Variants in EPB41L4B observed in about 807,000 individuals in gnomAD.
The protein encoded by EPB41L4B is band 4.1-like protein 4B.
EPB41L4B carries 30 observed loss-of-function variants against 112.5 expected under a neutral mutation model. The observed-to-expected ratio is 0.27, with a 90% confidence interval of 0.20 to 0.36. EPB41L4B has a LOEUF of 0.36. Among genes scored for constraint, EPB41L4B ranks in the 10% least tolerant of loss-of-function variants. The pLI is 1.00. For missense variants in EPB41L4B, 1,024 were observed against 1,133.3 expected, an observed-to-expected ratio of 0.90 and a Z score of 1.38; for synonymous variants, 408 against 439.7, an observed-to-expected ratio of 0.93 and a Z score of 0.90.
intron 22 of EPB41L4B, among the ~76,000 whole-genome samples, chr9:109,186,117 T>C (rs1161956843): frequency 2.6e-5 from 4 of 152,010 alleles, no homozygotes; most frequent in Non-Finnish European, 4.4e-5. Context: ...GGGCACACAC[T>C]GTGGTATGTC....
chr9:109,283,339 A>C (rs1425164419), intron 1 of EPB41L4B, among the ~76,000 whole-genome samples: 1 of 152,252 alleles, frequency 6.6e-6, no homozygotes, highest in Non-Finnish European at 1.5e-5. Context: ...ACATAGCAGC[A>C]GTAACACAAA....
chr9:109,316,523 G>A (rs1462725094), intron 1 of EPB41L4B, among the ~76,000 whole-genome samples: 2 of 152,194 alleles, frequency 1.3e-5, no homozygotes, highest in Non-Finnish European at 2.9e-5. Context: ...GGCCGAGGGA[G>A]GGAGTCCTGC....
At chr9:109,313,222 G>C (rs187246594) in intron 1 of EPB41L4B, among the ~76,000 whole-genome samples, 2 of 152,190 alleles carry the variant, frequency 1.3e-5, no homozygotes, top group Non-Finnish European at 2.9e-5. Context: ...TTCTCTCTCC[G>C]ATACCCCTCC....
At chr9:109,260,074 C>A (rs1835142388) in intron 6 of EPB41L4B, among the ~76,000 whole-genome samples, 1 of 151,998 alleles carries the variant, frequency 6.6e-6, no homozygotes, top group Admixed American at 6.6e-5. Context: ...CAGTGTTTTT[C>A]TTTTCTTTTC....
intron 11 of EPB41L4B, among the ~76,000 whole-genome samples, chr9:109,254,059 ACTC>A (rs749687914): frequency 3.2e-4 from 49 of 152,024 alleles, no homozygotes; most frequent in Non-Finnish European, 5.3e-4. Context: ...CGTCTGATGT[ACTC>A]CTCAACTGCT....
chr9:109,197,602 G>A (rs1328500790), intron 20 of EPB41L4B, among the ~76,000 whole-genome samples: 1 of 151,960 alleles, frequency 6.6e-6, no homozygotes, highest in Non-Finnish European at 1.5e-5. Flanking sequence ...AATACTTTGG[G>A]GCAGCTTAAG....
intron 1 of EPB41L4B, among the ~76,000 whole-genome samples, chr9:109,307,760 G>A (rs1837265074): frequency 6.6e-6 from 1 of 152,126 alleles, no homozygotes; most frequent in Non-Finnish European, 1.5e-5. Context: ...TCCATCACAT[G>A]GGCAGGAGAG....
chr9:109,188,428 G>A (rs559280393), intron 22 of EPB41L4B, among the ~76,000 whole-genome samples: 2 of 152,184 alleles, frequency 1.3e-5, no homozygotes, highest in African/African-American at 4.8e-5. Context: ...CAGGTAGAGA[G>A]TCACACATCC....
intron 6 of EPB41L4B, among the ~76,000 whole-genome samples, chr9:109,259,955 CTG>C (rs1835136642): frequency 6.6e-6 from 1 of 152,112 alleles, no homozygotes; most frequent in Non-Finnish European, 1.5e-5. Context: ...GCTAGCTCAG[CTG>C]TGGGTGAGGT....
chr9:109,251,199 G>A (rs1588172278), intron 13 of EPB41L4B, among the ~76,000 whole-genome samples: 3 of 152,216 alleles, frequency 2.0e-5, no homozygotes, highest in South Asian at 4.1e-4. Context: ...AGTGTGCTGC[G>A]CACAGGCCTC....
chr9:109,266,367 C>A (rs1432999820), intron 4 of EPB41L4B, among the ~76,000 whole-genome samples: 1 of 151,760 alleles, frequency 6.6e-6, no homozygotes, highest in Non-Finnish European at 1.5e-5. Flanking sequence ...CAGAGCCAGA[C>A]CTTGTCTCCA....
chr9:109,185,361 GC>G, intron 23 of EPB41L4B, 127 bp downstream of exon 23: 1 of 734,692 alleles, frequency 1.4e-6, no homozygotes, highest in Non-Finnish European at 2.3e-6. Flanking sequence ...TGGAGTGAGG[GC>G]ACCTGTCGAT....
intron 15 of EPB41L4B, chr9:109,241,441 C>T: frequency 7.6e-7 from 1 of 1,307,664 alleles, no homozygotes. Flanking sequence ...AATATGATTC[C>T]TGAGCCTTTA....
chr9:109,243,586 G>A lies in EPB41L4B; in HGVS notation c.1409+32C>T, dbSNP rs761202126. On this transcript the variant is annotated intron_variant, in intron 15 of 25. Coordinates refer to ENST00000374566, the MANE Select transcript of EPB41L4B (RefSeq NM_019114.5). ...CTTTTCTAGAGAAAGGAAAGCTTTCGAAGGTGCAGCTCTGGAAGCACCAGC... is the reference window on the plus strand; with the variant it reads ...CTTTTCTAGAGAAAGGAAAGCTTTCAAAGGTGCAGCTCTGGAAGCACCAGC... 3.2e-5 allele frequency: 52 copies of A among 1,608,586 alleles called. No homozygotes were observed. The East Asian group carries it at 4.7e-4, about 14-fold the overall frequency.
intron 1 of EPB41L4B, among the ~76,000 whole-genome samples, chr9:109,309,468 G>C (rs568342170): frequency 1.3e-5 from 2 of 152,294 alleles, no homozygotes; most frequent in South Asian, 4.1e-4. Context: ...GACCTCAGAA[G>C]CGGAACGGGA....
chr9:109,271,707 T>C (rs1198565752), intron 2 of EPB41L4B, among the ~76,000 whole-genome samples: 1 of 152,148 alleles, frequency 6.6e-6, no homozygotes, highest in African/African-American at 2.4e-5. Context: ...ATGCCGCCTG[T>C]GGGTAAACGC....
intron 24 of EPB41L4B, 91 bp downstream of exon 24, chr9:109,182,638 C>T (rs759837270): frequency 1.7e-5 from 15 of 898,496 alleles, no homozygotes; most frequent in African/African-American, 5.0e-5. Flanking sequence ...TCAAAAGAAG[C>T]GGTTGACCTT....
At chr9:109,218,999 A>G (rs1023793174) in intron 15 of EPB41L4B, among the ~76,000 whole-genome samples, 3 of 152,242 alleles carry the variant, frequency 2.0e-5, no homozygotes, top group African/African-American at 7.2e-5. Flanking sequence ...GCAGAAGTGG[A>G]AGCAATCAGT....
rs777693948 is a variant in EPB41L4B, at chr9:109,251,496, A to G, written c.1295T>C (p.Ile432Thr). 1 of 1,614,160 alleles carries G rather than the reference A, an allele frequency of 6.2e-7. No individual in the cohort carries two copies. The highest frequency in any genetic ancestry group is 1.1e-5 in the South Asian group (1 of 91,080). Residue 432 changes from isoleucine (I) to threonine (T), a missense_variant, in exon 13 of 26, where the codon ATA (isoleucine) becomes ACA (threonine). Transcript: ENST00000374566. ...HSTFKASNPVIAAQLCSKTNP... is the reference protein window; with the variant it reads ...HSTFKASNPVTAAQLCSKTNP... ...GGACACTCACCAGAGCTGGGCTGCT[A>G]TCACTGGGTTGCTTGCTATAAAGGA... is the stretch of plus-strand genomic sequence containing the variant.
Sources: gnomAD v4.1 joint callset for allele counts (sites outside exome capture counted in the v4.1 genomes callset) on GRCh38, gnomAD v4.1.1 for gene constraint, MANE v1.5 for transcripts, NCBI Gene and HGNC (gene_info 2026-07-23, HGNC 2026-07-21) for gene names.